ROCK2: variants seen among roughly 807,000 people sequenced by gnomAD.
ROCK2 encodes Rho associated coiled-coil containing protein kinase 2.
ROCK2 carries 61 observed loss-of-function variants against 195.1 expected under a neutral mutation model. That is an observed-to-expected ratio of 0.31 (90% CI 0.25 to 0.39). The LOEUF (loss-of-function observed/expected upper bound fraction) is 0.39. Ranked by LOEUF, ROCK2 falls within the 10% of genes least tolerant of loss-of-function variation. The pLI, the probability that ROCK2 is intolerant of heterozygous loss-of-function variation, is 1.00. For missense variants in ROCK2, 1,109 were observed against 1,637.4 expected (o/e 0.68, Z 5.57); for synonymous variants, 504 against 545.5 (o/e 0.92, Z 1.06).
At chr2:11,307,302 G>T (rs953759624) in intron 1 of ROCK2, among the ~76,000 whole-genome samples, 2 of 152,140 alleles carry the variant, frequency 1.3e-5, no homozygotes, top group Non-Finnish European at 2.9e-5. Flanking sequence ...CAAAATGACA[G>T]AAAACATTAT....
chr2:11,304,769 C>T (rs1486588416), intron 1 of ROCK2, among the ~76,000 whole-genome samples: 1 of 152,120 alleles, frequency 6.6e-6, no homozygotes, highest in Non-Finnish European at 1.5e-5. Context: ...CCACACTGGC[C>T]TTCTAAACGT....
chr2:11,321,687 C>T (rs1370021497), intron 1 of ROCK2, among the ~76,000 whole-genome samples: 1 of 151,988 alleles, frequency 6.6e-6, no homozygotes, highest in African/African-American at 2.4e-5. Context: ...AGGAAAGCGA[C>T]CAGTTTACAC....
intron 1 of ROCK2, among the ~76,000 whole-genome samples, chr2:11,316,025 T>G (rs188450568): frequency 1.3e-5 from 2 of 152,292 alleles, no homozygotes; most frequent in Admixed American, 1.3e-4. Context: ...TTTAGCCATA[T>G]GTAGCTAATG....
In ROCK2 at chr2:11,198,139, T is replaced by C. The variant is rs992467678; in HGVS notation, c.3099+352A>G. On this transcript the variant is annotated intron_variant, in intron 25 of 32. Coordinates refer to ENST00000315872, the MANE Select transcript of ROCK2 (RefSeq NM_004850.5). The stretch of plus-strand genomic sequence containing the variant: ...ACCCCACCTGTTCATGCAGTACATA[T>C]GCAACTGTAGGAGTTGGCAGAGAGT... Among the ~76,000 whole-genome samples the C allele has an allele frequency of 7.2e-5, 11 of 152,228 alleles. 1 individual carries two copies. The highest frequency in any genetic ancestry group is 2.4e-4 in the African/African-American group (10 of 41,462).
chr2:11,312,222 A>C (rs992278734), intron 1 of ROCK2, among the ~76,000 whole-genome samples: 1 of 152,172 alleles, frequency 6.6e-6, no homozygotes, highest in Non-Finnish European at 1.5e-5. Flanking sequence ...AGTTTTTAGC[A>C]TATACTTTAT....
chr2:11,275,734 C>T lies in ROCK2; in HGVS notation c.324+10805G>A, dbSNP rs1276969561. Among the ~76,000 whole-genome samples, 5 of 131,878 alleles carry T rather than the reference C, an allele frequency of 3.8e-5. No individual in the cohort carries two copies. The South Asian group carries it at 1.2e-3, about 32-fold the overall frequency. The allele number at this position is 131,878 out of a possible 152,430, so 86.5% of individuals were successfully genotyped here. A position where few individuals can be genotyped will look rare whatever the true frequency, so the allele number is the denominator to read the frequency against. Reference sequence around the variant, plus strand: ...TTTTTTTTTGAGACAAAGTCTTGCTCTGTCACCCAGGCTGGAGTACAGTGG... The same window carrying T: ...TTTTTTTTTGAGACAAAGTCTTGCTTTGTCACCCAGGCTGGAGTACAGTGG... On this transcript the variant is annotated intron_variant, in intron 3 of 32. Coordinates refer to ENST00000315872, the MANE Select transcript of ROCK2 (RefSeq NM_004850.5).
chr2:11,278,294 T>A (rs1204372175), intron 3 of ROCK2, among the ~76,000 whole-genome samples: 1 of 152,242 alleles, frequency 6.6e-6, no homozygotes, highest in East Asian at 1.9e-4. Context: ...GGATTCCACA[T>A]ATAAGTGATA....
In ROCK2 at chr2:11,201,909, T is replaced by G; in HGVS notation, c.2619+143A>C. The G allele has an allele frequency of 1.6e-6, 1 of 615,534 alleles. No homozygotes were observed. The highest frequency in any genetic ancestry group is 2.3e-5 in the South Asian group (1 of 43,966). 38.1% of individuals were successfully genotyped at this position (615,534 alleles called of 1,614,324 possible). On this transcript the variant is annotated intron_variant, in intron 21 of 32. Transcript: ENST00000315872. This position sits in a 1 kb window ranked among gnomAD's most constrained non-coding sequence, Gnocchi z 4.6. Reference sequence around the variant, plus strand: ...GTATGTTTTGTGCTTAGAATTATTTTTCTAGCAATGATAATAAATTTCTCT... The same window carrying G: ...GTATGTTTTGTGCTTAGAATTATTTGTCTAGCAATGATAATAAATTTCTCT...
chr2:11,343,910 C>G, intron 1 of ROCK2, 86 bp downstream of exon 1: 2 of 1,464,086 alleles, frequency 1.4e-6, no homozygotes, highest in Non-Finnish European at 1.8e-6. Flanking sequence ...CCCCTCCCCA[C>G]GGGCGGACGG....
Position 11,192,165 on chromosome 2 carries a change from A to G in ROCK2, c.4146T>C (p.Leu1382=). 1 of 1,607,104 alleles carries G rather than the reference A, an allele frequency of 6.2e-7. No homozygotes were observed. Residue 1382 remains leucine (L), a synonymous_variant, in exon 32 of 33, where the codon CTT becomes CTC. Coordinates refer to ENST00000315872, the MANE Select transcript of ROCK2 (RefSeq NM_004850.5). The surrounding 1 kb of genome is among the most constrained non-coding windows in gnomAD (Gnocchi z 5.0). ...TTTATTACCTAGGTTTGTTTGGGGC[A>G]AGCTGTCGACTTGGCCGTCTAATAG... ...NQSIRRPSRQ[L]APNKPS
intron 1 of ROCK2, among the ~76,000 whole-genome samples, chr2:11,297,967 G>C (rs1667587409): frequency 6.6e-6 from 1 of 152,118 alleles, no homozygotes; most frequent in South Asian, 2.1e-4. Context: ...GAAAAACATA[G>C]GTGGGGTGGT....
chr2:11,331,938 C>T lies in ROCK2; in HGVS notation c.141+12058G>A, dbSNP rs1008430422. Among the ~76,000 whole-genome samples the T allele has an allele frequency of 5.9e-5, 9 of 152,036 alleles. No individual in the cohort carries two copies. In the East Asian group the frequency reaches 1.7e-3, roughly 29 times the overall value. On this transcript the variant is annotated intron_variant, in intron 1 of 32. Transcript: ENST00000315872. ...GAGACTGTCTCAACAACAACAACAA[C>T]AGAAACAGAAATAACCCAACTAGTA...
At chr2:11,194,894 A>G in intron 28 of ROCK2, 61 bp downstream of exon 28, 1 of 937,402 alleles carries the variant, frequency 1.1e-6, no homozygotes, top group Non-Finnish European at 1.6e-6. Context: ...TACAAAAGCC[A>G]AATGACTAGA....
chr2:11,276,162 G>C (rs1666820580), intron 3 of ROCK2, among the ~76,000 whole-genome samples: 1 of 152,158 alleles, frequency 6.6e-6, no homozygotes, highest in Non-Finnish European at 1.5e-5. Context: ...AACAAGAAAA[G>C]GCTTGTGCCA....
chr2:11,259,788 T>C (rs1336455367), intron 3 of ROCK2, among the ~76,000 whole-genome samples: 1 of 151,012 alleles, frequency 6.6e-6, no homozygotes, highest in African/African-American at 2.5e-5. Context: ...TTTGAAGGAT[T>C]GATATACAGT....
chr2:11,283,904 C>T (rs1415734565), intron 3 of ROCK2, among the ~76,000 whole-genome samples: 1 of 152,132 alleles, frequency 6.6e-6, no homozygotes, highest in Non-Finnish European at 1.5e-5. Flanking sequence ...AATCAAGATC[C>T]TTGGTATTTA....
At chr2:11,219,335 A>AC (rs1371366654) in intron 9 of ROCK2, among the ~76,000 whole-genome samples, 4 of 127,738 alleles carry the variant, frequency 3.1e-5, no homozygotes, top group African/African-American at 1.1e-4. Flanking sequence ...CCTTATCTCT[A>AC]CAAAAAAAAA....
intron 1 of ROCK2, among the ~76,000 whole-genome samples, chr2:11,289,649 G>A (rs1238303574): frequency 1.3e-5 from 2 of 152,086 alleles, no homozygotes; most frequent in African/African-American, 2.4e-5. Flanking sequence ...AAGTAACTCT[G>A]CATTAAAATC....
intron 4 of ROCK2, among the ~76,000 whole-genome samples, chr2:11,242,000 C>G (rs72787623): frequency 0.043 from 6,476 of 152,184 alleles, 281 homozygotes; most frequent in Non-Finnish European, 0.06. Context: ...TTATTCACCC[C>G]CTTCTACTGT....
Sources: allele counts gnomAD v4.1 joint callset (sites outside exome capture counted in the v4.1 genomes callset), GRCh38; gene constraint gnomAD v4.1.1; non-coding constraint Gnocchi (gnomAD v3.1); transcripts MANE v1.5; gene names NCBI Gene and HGNC (gene_info 2026-07-23, HGNC 2026-07-21).